RBFOX1: variants seen among roughly 807,000 people sequenced by gnomAD.
RBFOX1 encodes the protein RNA binding protein fox-1 homolog 1.
In RBFOX1, 8 loss-of-function variants were observed where a neutral mutation model predicts 57.7. The observed-to-expected ratio is 0.14, with a 90% CI of 0.08 to 0.25. The LOEUF (loss-of-function observed/expected upper bound fraction) is 0.25. RBFOX1 is among the 10% of genes least tolerant of loss of function. The pLI is 1.00. For missense variants in RBFOX1, 611 were observed against 548.5 expected (o/e 1.11, Z -1.14); for synonymous variants, 326 against 222.4 (o/e 1.47, Z -4.15).
chr16:6,271,968 A>T (rs1404267024), intron 1 of RBFOX1, among the ~76,000 whole-genome samples: 2 of 152,178 alleles, frequency 1.3e-5, no homozygotes, highest in East Asian at 3.8e-4. Context: ...AATTACCCTG[A>T]CAGTGAAACA....
intron 12 of RBFOX1, among the ~76,000 whole-genome samples, chr16:7,659,600 A>G (rs1397236028): frequency 6.6e-6 from 1 of 152,076 alleles, no homozygotes; most frequent in Non-Finnish European, 1.5e-5. Context: ...AAGAAAAAAG[A>G]AAAAAAAGAA....
rs114869243 is a variant in RBFOX1 at position 6,908,945 on chromosome 16, G to A, written c.-15-143112G>A. On this transcript the variant is annotated intron_variant, in intron 3 of 15. Coordinates refer to ENST00000550418, the MANE Select transcript of RBFOX1 (RefSeq NM_018723.4). The stretch of plus-strand genomic sequence containing the variant: ...GCTAGGATAATTTGGCATAATCTGT[G>A]CTTCCCCCCAACACGCTCTCTCTGG... Among the ~76,000 whole-genome samples the A allele has an allele frequency of 5.5e-3, 831 of 152,228 alleles. 9 individuals carry two copies. Among genetic ancestry groups the A allele is most frequent in the African/African-American group, 0.019 (783 of 41,554 alleles).
At chr16:5,706,765 A>G (rs1385976222) in intron 3 of RBFOX1, among the ~76,000 whole-genome samples, 1 of 151,758 alleles carries the variant, frequency 6.6e-6, no homozygotes, top group Admixed American at 6.6e-5. Context: ...CTCCGGGGGC[A>G]CCCCTATGAA....
intron 2 of RBFOX1, among the ~76,000 whole-genome samples, chr16:5,501,264 G>A (rs1160411280): frequency 7.7e-6 from 1 of 130,542 alleles, no homozygotes; most frequent in Non-Finnish European, 1.6e-5. Flanking sequence ...GTTGCAGTGA[G>A]TTGAGATTGC....
intron 4 of RBFOX1, among the ~76,000 whole-genome samples, chr16:7,238,295 C>A (rs946895878): frequency 6.6e-6 from 1 of 151,688 alleles, no homozygotes; most frequent in Non-Finnish European, 1.5e-5. Flanking sequence ...TGTGAATGTA[C>A]TTAACACTAC....
At chr16:5,846,496 C>A (rs2056760927) in intron 3 of RBFOX1, among the ~76,000 whole-genome samples, 1 of 152,132 alleles carries the variant, frequency 6.6e-6, no homozygotes, top group Non-Finnish European at 1.5e-5. Flanking sequence ...TCACAACCCC[C>A]CAAGGAGGAA....
chr16:7,417,634 A>G (rs902473844), intron 4 of RBFOX1, among the ~76,000 whole-genome samples: 2 of 151,922 alleles, frequency 1.3e-5, no homozygotes, highest in Non-Finnish European at 2.9e-5. Context: ...TCATAGCTCC[A>G]TCACAAAGAT....
At chr16:7,371,480 T>A (rs1342679308) in intron 4 of RBFOX1, among the ~76,000 whole-genome samples, 1 of 152,218 alleles carries the variant, frequency 6.6e-6, no homozygotes, top group African/African-American at 2.4e-5. Flanking sequence ...CCAGGTGCGG[T>A]GGCTCACGCC....
intron 4 of RBFOX1, among the ~76,000 whole-genome samples, chr16:7,503,411 T>G (rs1385510944): frequency 6.6e-6 from 1 of 152,246 alleles, no homozygotes; most frequent in Non-Finnish European, 1.5e-5. Flanking sequence ...TGGACAGCTA[T>G]GATGGAATAA....
chr16:6,254,152 C>T (rs2097645974), intron 1 of RBFOX1, among the ~76,000 whole-genome samples: 1 of 152,108 alleles, frequency 6.6e-6, no homozygotes, highest in Non-Finnish European at 1.5e-5. Context: ...TGTAAGCACC[C>T]TCGTCAATAG....
intron 4 of RBFOX1, among the ~76,000 whole-genome samples, chr16:7,172,126 A>G (rs2080822378): frequency 6.6e-6 from 1 of 152,180 alleles, no homozygotes; most frequent in Non-Finnish European, 1.5e-5. Flanking sequence ...CCAATTAGAT[A>G]AGTTATAAAT....
At chr16:7,253,274 T>A (rs1431883709) in intron 4 of RBFOX1, among the ~76,000 whole-genome samples, 2 of 152,192 alleles carry the variant, frequency 1.3e-5, no homozygotes, top group East Asian at 3.9e-4. Flanking sequence ...AACAAATCAT[T>A]CTGTCAGTTC....
intron 3 of RBFOX1, among the ~76,000 whole-genome samples, chr16:5,640,833 GCACACACACA>G (rs142919715): frequency 7.0e-6 from 1 of 142,658 alleles, no homozygotes; most frequent in East Asian, 2.2e-4. Context: ...ACACATACAT[GCACACACACA>G]CACACACACA....
intron 11 of RBFOX1, among the ~76,000 whole-genome samples, chr16:7,631,617 G>C (rs79868756): frequency 6.6e-6 from 1 of 152,142 alleles, no homozygotes; most frequent in African/African-American, 2.4e-5. Context: ...GTGCTTAAAA[G>C]TGAGTCTGGG....
chr16:6,895,050 C>G lies in RBFOX1; in HGVS notation c.-15-157007C>G, dbSNP rs181068070. Among the ~76,000 whole-genome samples the G allele has an allele frequency of 2.4e-3, 365 of 152,266 alleles. 3 individuals carry two copies. The highest frequency in any genetic ancestry group is 2.0e-3 in the Non-Finnish European group (138 of 68,014). On this transcript the variant is annotated intron_variant, in intron 3 of 15. Transcript: ENST00000550418. ...CCTTCTTACCAGCTTCAAATGCTGG[C>G]TGTAGATAAATACATCTTTAATAAA...
At position 7,387,971 on chromosome 16, in the gene RBFOX1, C is replaced by T. The variant is rs923250651; in HGVS notation, c.28-130176C>T. On this transcript the variant is annotated intron_variant, in intron 4 of 15. Coordinates refer to ENST00000550418, the MANE Select transcript of RBFOX1 (RefSeq NM_018723.4). ...AAGCATCCCAGAGCTTAATGGCTCT[C>T]TTGTTCAGCTATTGTGGGGGGAAAA... Among the ~76,000 whole-genome samples the T allele has an allele frequency of 2.6e-5, 4 of 152,124 alleles. No individual in the cohort carries two copies. The East Asian group carries it at 7.8e-4, about 29-fold the overall frequency.
intron 1 of RBFOX1, among the ~76,000 whole-genome samples, chr16:6,087,748 G>C (rs2096109682): frequency 6.6e-6 from 1 of 151,886 alleles, no homozygotes; most frequent in Non-Finnish European, 1.5e-5. Context: ...TGTCTCCTGG[G>C]TTCAAGCAAT....
Position 6,824,707 on chromosome 16 carries a change from ACT to A in RBFOX1, c.-16+170062_-16+170063del, listed in dbSNP as rs543706928. Among the ~76,000 whole-genome samples the A allele has an allele frequency of 6.2e-4, 94 of 152,132 alleles. 4 individuals carry two copies. The South Asian group carries it at 0.018, about 30-fold the overall frequency. ...AAATAATAATGTTTTTCTTGTATAT[ACT>A]CTCTGTTTTACTTTTCTTTGAAAAA... On this transcript the variant is annotated intron_variant, in intron 3 of 15. Transcript: ENST00000550418.
At chr16:6,552,996 C>G (rs1197416344) in intron 2 of RBFOX1, among the ~76,000 whole-genome samples, 1 of 151,970 alleles carries the variant, frequency 6.6e-6, no homozygotes, top group Non-Finnish European at 1.5e-5. Flanking sequence ...ATCAGCTGCC[C>G]CCTGCAAGTT....
Sources: gnomAD v4.1 joint callset for allele counts (sites outside exome capture counted in the v4.1 genomes callset) on GRCh38, gnomAD v4.1.1 for gene constraint, MANE v1.5 for transcripts, NCBI Gene and HGNC (gene_info 2026-07-23, HGNC 2026-07-21) for gene names.